Variants in VSNL1 observed in about 807,000 individuals in gnomAD.
The protein encoded by VSNL1 is visinin-like protein 1.
In VSNL1, 6 loss-of-function variants were observed where a neutral mutation model predicts 20.4. That is an observed-to-expected ratio of 0.29 (90% CI 0.16 to 0.58). The LOEUF (loss-of-function observed/expected upper bound fraction) is 0.58. Among genes scored for constraint, VSNL1 ranks in the 20% least tolerant of loss-of-function variants. The probability of loss-of-function intolerance (pLI) is 0.90; values close to 1 mark genes in which losing one functional copy is unlikely to be tolerated. For missense variants in VSNL1, 100 were observed against 234.5 expected (o/e 0.43, Z 3.75); for synonymous variants, 93 against 86.4 (o/e 1.08, Z -0.42).
Position 17,649,310 on chromosome 2 carries a change from C to T in VSNL1, c.163-100C>T. On this transcript the variant is annotated intron_variant, in intron 2 of 3. Transcript: ENST00000295156. The surrounding 1 kb of genome is among the most constrained non-coding windows in gnomAD (Gnocchi z 6.4). ...TGCTCTCCAATGGGTGAGGCTCCGA[C>T]AACGCCCAGGAGCACCTGTGATGCC... 8.2e-7 allele frequency: 1 copy of T among 1,216,742 alleles called. No individual in the cohort carries two copies. The highest frequency in any genetic ancestry group is 1.2e-6 in the Non-Finnish European group (1 of 835,114). 75.4% of individuals were successfully genotyped at this position (1,216,742 alleles called of 1,614,324 possible). A position where few individuals can be genotyped will look rare whatever the true frequency, so the allele number is the denominator to read the frequency against.
intron 1 of VSNL1, among the ~76,000 whole-genome samples, chr2:17,543,832 T>C (rs1433591552): frequency 1.3e-5 from 2 of 152,188 alleles, no homozygotes; most frequent in Admixed American, 6.6e-5. Flanking sequence ...TCCTCCTGTT[T>C]TTTCTCCTTT....
At chr2:17,562,034 C>G (rs1027069095) in intron 1 of VSNL1, among the ~76,000 whole-genome samples, 1 of 152,190 alleles carries the variant, frequency 6.6e-6, no homozygotes, top group Non-Finnish European at 1.5e-5. Flanking sequence ...AATTACCATT[C>G]AATTCCACTG....
chr2:17,648,542 C>A (rs544491117), intron 2 of VSNL1, among the ~76,000 whole-genome samples: 1 of 152,336 alleles, frequency 6.6e-6, no homozygotes, highest in South Asian at 2.1e-4. Context: ...GAAATACATA[C>A]GTAACTTCTC....
intron 2 of VSNL1, among the ~76,000 whole-genome samples, chr2:17,610,176 C>G (rs754229630): frequency 6.6e-6 from 1 of 152,188 alleles, no homozygotes; most frequent in East Asian, 1.9e-4. Context: ...TTTACTGATA[C>G]AGAATGACTG....
rs147465072 is a variant in VSNL1 at position 17,568,627 on chromosome 2, C to A, written c.-5-23443C>A. On this transcript the variant is annotated intron_variant, in intron 1 of 3. Transcript: ENST00000295156. ...TGTTTGTTGCACCTTAGTTTTTAATCCCAAAACATCCCTTGTTGTTGTTTA... is the reference window on the plus strand; with the variant it reads ...TGTTTGTTGCACCTTAGTTTTTAATACCAAAACATCCCTTGTTGTTGTTTA... 9.0e-4 allele frequency among the ~76,000 whole-genome samples: 137 copies of A among 152,236 alleles called. 1 individual carries two copies. The highest frequency in any genetic ancestry group is 3.2e-3 in the African/African-American group (131 of 41,532).
At chr2:17,561,956 G>A (rs893842942) in intron 1 of VSNL1, among the ~76,000 whole-genome samples, 5 of 151,978 alleles carry the variant, frequency 3.3e-5, no homozygotes, top group African/African-American at 4.8e-5. Context: ...AGAACTTTTC[G>A]GAATAAAAAT....
chr2:17,622,433 G>A (rs1205422996), intron 2 of VSNL1, among the ~76,000 whole-genome samples: 1 of 150,766 alleles, frequency 6.6e-6, no homozygotes, highest in South Asian at 2.1e-4. Flanking sequence ...AGGAGGCGGA[G>A]GTCGCAGTGA....
At chr2:17,565,338 G>A (rs539918094) in intron 1 of VSNL1, among the ~76,000 whole-genome samples, 44 of 152,194 alleles carry the variant, frequency 2.9e-4, no homozygotes, top group Middle Eastern at 6.9e-3. Flanking sequence ...GAATATTAAT[G>A]CCTTCTCATA....
chr2:17,606,708 T>C (rs1308718767), intron 2 of VSNL1, among the ~76,000 whole-genome samples: 2 of 152,130 alleles, frequency 1.3e-5, no homozygotes, highest in South Asian at 2.1e-4. Flanking sequence ...CACCAGACAC[T>C]GTTGGTTACC....
At chr2:17,554,190 G>A (rs147663162) in intron 1 of VSNL1, among the ~76,000 whole-genome samples, 17 of 152,268 alleles carry the variant, frequency 1.1e-4, no homozygotes, top group Admixed American at 2.6e-4. Context: ...ATGCCAACTG[G>A]AGGTTGCTGG....
chr2:17,583,152 C>A (rs1015535701), intron 1 of VSNL1, among the ~76,000 whole-genome samples: 2 of 152,132 alleles, frequency 1.3e-5, no homozygotes, highest in African/African-American at 4.8e-5. Context: ...TGGAACTTGT[C>A]TACTATTGGT....
At chr2:17,579,238 C>G (rs1025827662) in intron 1 of VSNL1, among the ~76,000 whole-genome samples, 19 of 152,212 alleles carry the variant, frequency 1.2e-4, no homozygotes, top group African/African-American at 4.3e-4. Flanking sequence ...GCCTCAGCCT[C>G]CTGAGTAGCT....
At chr2:17,627,950 A>C (rs941377630) in intron 2 of VSNL1, among the ~76,000 whole-genome samples, 1 of 152,262 alleles carries the variant, frequency 6.6e-6, no homozygotes, top group African/African-American at 2.4e-5. Context: ...CCAGGAATGA[A>C]CAAGGACAGT....
chr2:17,587,321 A>G (rs1572349279), intron 1 of VSNL1, among the ~76,000 whole-genome samples: 1 of 150,984 alleles, frequency 6.6e-6, no homozygotes, highest in Admixed American at 6.6e-5. Context: ...GGATTTAGAT[A>G]CAGTAGGTAA....
intron 2 of VSNL1, among the ~76,000 whole-genome samples, chr2:17,631,538 G>A (rs1318976902): frequency 6.6e-6 from 1 of 152,194 alleles, no homozygotes; most frequent in East Asian, 1.9e-4. Flanking sequence ...TCACAAGTAA[G>A]ATTTGTGTAT....
At chr2:17,563,010 A>G (rs1427031098) in intron 1 of VSNL1, among the ~76,000 whole-genome samples, 1 of 152,172 alleles carries the variant, frequency 6.6e-6, no homozygotes, top group Non-Finnish European at 1.5e-5. Context: ...CTCTGCCTAA[A>G]AACAGCTTAA....
intron 2 of VSNL1, among the ~76,000 whole-genome samples, chr2:17,615,288 T>C (rs529107546): frequency 6.6e-6 from 1 of 152,332 alleles, no homozygotes; most frequent in African/African-American, 2.4e-5. Context: ...TATTTTTTTA[T>C]TTTTTTGTCA....
chr2:17,560,449 C>T (rs559277102), intron 1 of VSNL1, among the ~76,000 whole-genome samples: 2 of 152,116 alleles, frequency 1.3e-5, no homozygotes, highest in South Asian at 4.1e-4. Context: ...ATAGAGTATT[C>T]ACAAAGGTAT....
intron 1 of VSNL1, among the ~76,000 whole-genome samples, chr2:17,554,122 C>CT (rs994059870): frequency 6.6e-6 from 1 of 152,154 alleles, no homozygotes; most frequent in African/African-American, 2.4e-5. Context: ...CTTATGACTA[C>CT]TTATTTAGAG....
Sources: gnomAD v4.1 joint callset for allele counts (sites outside exome capture counted in the v4.1 genomes callset) on GRCh38, gnomAD v4.1.1 for gene constraint, Gnocchi (gnomAD v3.1) non-coding constraint, MANE v1.5 for transcripts, NCBI Gene and HGNC (gene_info 2026-07-23, HGNC 2026-07-21) for gene names.